RAB8A: variants seen among roughly 807,000 people sequenced by gnomAD.
The protein encoded by RAB8A is RAB8A, member RAS oncogene family.
Under a neutral mutation model 29.2 loss-of-function variants are expected in RAB8A, and 5 were observed. The observed-to-expected ratio is 0.17, with a 90% CI of 0.09 to 0.36. RAB8A has a LOEUF of 0.36. RAB8A is among the 10% of genes least tolerant of loss of function. The probability of loss-of-function intolerance (pLI) is 1.00; values close to 1 mark genes in which losing one functional copy is unlikely to be tolerated. For synonymous variants in RAB8A, 108 were observed against 99.9 expected (o/e 1.08, Z -0.49); for missense variants, 171 against 272.2 (o/e 0.63, Z 2.62).
intron 2 of RAB8A, among the ~76,000 whole-genome samples, chr19:16,120,010 G>A (rs1209571): frequency 2.6e-5 from 4 of 151,756 alleles, no homozygotes; most frequent in South Asian, 4.2e-4. Context: ...ACGGGGTTTC[G>A]CCATGTTGGC....
At chr19:16,123,081 C>T (rs1003067379) in intron 3 of RAB8A, among the ~76,000 whole-genome samples, 6 of 152,182 alleles carry the variant, frequency 3.9e-5, no homozygotes, top group Non-Finnish European at 7.3e-5. Context: ...TTTGTGCAGG[C>T]GCCATTGTCA....
chr19:16,122,963 C>G lies in RAB8A; in HGVS notation c.246+1153C>G, dbSNP rs2090881515. Among the ~76,000 whole-genome samples, 1 of 152,194 alleles carries G rather than the reference C, an allele frequency of 6.6e-6. No individual in the cohort carries two copies. Among genetic ancestry groups the G allele is most frequent in the Non-Finnish European group, 1.5e-5 (1 of 68,036 alleles). On this transcript the variant is annotated intron_variant, in intron 3 of 7. Coordinates refer to ENST00000300935, the MANE Select transcript of RAB8A (RefSeq NM_005370.5). The surrounding 1 kb of genome is among the most constrained non-coding windows in gnomAD (Gnocchi z 4.7). ...GGCCTGTCCCGATCTTCTCTGGGCC[C>G]AAATAGCCACCTTCCACCCTGCCCT...
intron 7 of RAB8A, 88 bp downstream of exon 7, chr19:16,129,692 C>A: frequency 7.3e-7 from 1 of 1,371,188 alleles, no homozygotes; most frequent in Non-Finnish European, 1.0e-6. Flanking sequence ...TGCCCTAGAT[C>A]CTGCTTTTTA....
rs1246282010 is a variant in RAB8A at position 16,118,245 on chromosome 19, G to A, written c.144G>A (p.Arg48=). ...ISTIGIDFKI[R]TIELDGKRIK... ...TTTCAGGAATTGACTTTAAAATTAG[G>A]ACCATAGAGCTCGATGGCAAGAGAA... Residue 48 remains arginine, a synonymous_variant, in exon 2 of 8, where the codon AGG becomes AGA. Transcript: ENST00000300935. 1.9e-6 allele frequency: 3 copies of A among 1,610,274 alleles called. No individual in the cohort carries two copies. The highest frequency in any genetic ancestry group is 2.2e-5 in the East Asian group (1 of 44,884).
intron 4 of RAB8A, chr19:16,126,434 G>A: frequency 6.6e-6 from 1 of 152,548 alleles, no homozygotes; most frequent in East Asian, 1.9e-4. Flanking sequence ...CCACCTTCTG[G>A]TTCATGGGAA....
chr19:16,125,704 A>G lies in RAB8A; in HGVS notation c.324+157A>G. 2.6e-6 allele frequency: 2 copies of G among 771,034 alleles called. No homozygotes were observed. The highest frequency in any genetic ancestry group is 2.7e-5 in the East Asian group (1 of 37,354). The allele number at this position is 771,034 out of a possible 1,614,324, so 47.8% of individuals were successfully genotyped here. A position where few individuals can be genotyped will look rare whatever the true frequency, so the allele number is the denominator to read the frequency against. On this transcript the variant is annotated intron_variant, in intron 4 of 7. Transcript: ENST00000300935. This position sits in a 1 kb window ranked among gnomAD's most constrained non-coding sequence, Gnocchi z 5.0. ...TGGTGGGAGCAGGGACTGAGATGCAAGCAGCCGGCCCCAGGGACCACACAC... is the reference window on the plus strand; with the variant it reads ...TGGTGGGAGCAGGGACTGAGATGCAGGCAGCCGGCCCCAGGGACCACACAC...
At chr19:16,118,852 A>C (rs186281288) in intron 2 of RAB8A, among the ~76,000 whole-genome samples, 1 of 152,202 alleles carries the variant, frequency 6.6e-6, no homozygotes, top group Non-Finnish European at 1.5e-5. Context: ...GTGACTTCCC[A>C]TGCACATACA....
At chr19:16,114,549 G>GTT (rs1307373823) in intron 1 of RAB8A, among the ~76,000 whole-genome samples, 18 of 115,722 alleles carry the variant, frequency 1.6e-4, no homozygotes, top group Admixed American at 4.7e-4. Context: ...GCTAATTTTT[G>GTT]TATTTTTTTT....
chr19:16,123,333 C>A (rs1011401436), intron 3 of RAB8A, among the ~76,000 whole-genome samples: 1 of 152,206 alleles, frequency 6.6e-6, no homozygotes, highest in Admixed American at 6.5e-5. Flanking sequence ...TCCAGCCAGG[C>A]GCAGTGGCTG....
intron 4 of RAB8A, chr19:16,126,499 G>T (rs936180371): frequency 1.3e-5 from 2 of 152,354 alleles, no homozygotes; most frequent in Admixed American, 1.3e-4. Flanking sequence ...GCTGGTGGAA[G>T]AAGACAGCAG....
intron 1 of RAB8A, among the ~76,000 whole-genome samples, chr19:16,116,221 T>A (rs2090845148): frequency 6.6e-6 from 1 of 152,042 alleles, no homozygotes; most frequent in Non-Finnish European, 1.5e-5. Flanking sequence ...GTCAGGAGCA[T>A]GCTTGGAATG....
chr19:16,118,985 C>G (rs1395286831), intron 2 of RAB8A, among the ~76,000 whole-genome samples: 1 of 152,220 alleles, frequency 6.6e-6, no homozygotes, highest in Non-Finnish European at 1.5e-5. Context: ...CACAGAGTCA[C>G]TGGCCCTGAG....
At chr19:16,128,323 G>A (rs567453922) in intron 6 of RAB8A, among the ~76,000 whole-genome samples, 9 of 152,322 alleles carry the variant, frequency 5.9e-5, no homozygotes, top group East Asian at 1.9e-4. Context: ...CACCTAGGAC[G>A]CATCTCACGG....
At position 16,125,774 on chromosome 19, in the gene RAB8A, C is replaced by T. The variant is rs542295077; in HGVS notation, c.324+227C>T. 5.9e-4 allele frequency: 393 copies of T among 663,638 alleles called. No homozygotes were observed. Among genetic ancestry groups the T allele is most frequent in the African/African-American group, 5.5e-3 (309 of 56,472 alleles). 41.1% of individuals were successfully genotyped at this position (663,638 alleles called of 1,614,324 possible). A position where few individuals can be genotyped will look rare whatever the true frequency, so the allele number is the denominator to read the frequency against. On this transcript the variant is annotated intron_variant, in intron 4 of 7. Coordinates refer to ENST00000300935, the MANE Select transcript of RAB8A (RefSeq NM_005370.5). This position sits in a 1 kb window ranked among gnomAD's most constrained non-coding sequence, Gnocchi z 5.0. ...AGCCCCTCGGAGCCCATCCCTCCAG[C>T]TAGGCTGTTGGATCTGGCCAGTGTC... is the stretch of plus-strand genomic sequence containing the variant.
intron 7 of RAB8A, 108 bp downstream of exon 7, chr19:16,129,712 C>A: frequency 1.8e-6 from 2 of 1,100,960 alleles, no homozygotes; most frequent in Non-Finnish European, 1.4e-6. Context: ...AGGGCCCAGC[C>A]AGACCCCATG....
chr19:16,128,004 C>T (rs781014234), intron 5 of RAB8A, 22 bp from the exon 6 acceptor site: 51 of 1,613,402 alleles, frequency 3.2e-5, no homozygotes, highest in Non-Finnish European at 3.7e-5. Context: ...TGTGCTCATG[C>T]GTGTGCCTCC....
intron 3 of RAB8A, 131 bp downstream of exon 3, chr19:16,121,941 C>A: frequency 2.4e-6 from 2 of 839,794 alleles, no homozygotes; most frequent in South Asian, 1.6e-5. Flanking sequence ...TCCTTGGTCC[C>A]AAGTTAGTCT....
chr19:16,122,512 G>A lies in RAB8A; in HGVS notation c.246+702G>A, dbSNP rs962220331. Among the ~76,000 whole-genome samples, 10 of 152,128 alleles carry A rather than the reference G, an allele frequency of 6.6e-5. No individual in the cohort carries two copies. The highest frequency in any genetic ancestry group is 1.9e-4 in the African/African-American group (8 of 41,424). ...GGAACGGAGCACAGCACTGTGTCTC[G>A]GGCTGTGCTGAGGATAAACGGCTGC... On this transcript the variant is annotated intron_variant, in intron 3 of 7. Coordinates refer to ENST00000300935, the MANE Select transcript of RAB8A (RefSeq NM_005370.5). This position sits in a 1 kb window ranked among gnomAD's most constrained non-coding sequence, Gnocchi z 4.7.
At position 16,111,951 on chromosome 19, in the gene RAB8A, C is replaced by CG; in HGVS notation, c.55dup (p.Val19GlyfsTer26). On this transcript the variant is annotated frameshift_variant, in exon 1 of 8. Coordinates refer to ENST00000300935, the MANE Select transcript of RAB8A (RefSeq NM_005370.5). LOFTEE classifies it high-confidence loss of function. The stretch of plus-strand genomic sequence containing the variant: ...TTCAAGCTGCTGCTGATCGGGGACT[C>CG]GGGGGTGGGGAAGACCTGTGTCCTG... 1 of 1,614,000 alleles carries CG rather than the reference C, an allele frequency of 6.2e-7. No homozygotes were observed. Among genetic ancestry groups the CG allele is most frequent in the Non-Finnish European group, 8.5e-7 (1 of 1,179,872 alleles).
Sources: allele counts gnomAD v4.1 joint callset (sites outside exome capture counted in the v4.1 genomes callset), GRCh38; gene constraint gnomAD v4.1.1; non-coding constraint Gnocchi (gnomAD v3.1); transcripts MANE v1.5; gene names NCBI Gene and HGNC (gene_info 2026-07-23, HGNC 2026-07-21).